Variants in RUVBL1 observed in about 807,000 individuals in gnomAD.
RUVBL1 encodes ruvB-like 1.
RUVBL1 carries 4 observed loss-of-function variants against 52.4 expected under a neutral mutation model. The ratio of observed to expected loss-of-function variants is 0.08; its 90% CI spans 0.04 to 0.17. RUVBL1 has a LOEUF of 0.17. RUVBL1 is among the 10% of genes least tolerant of loss of function. RUVBL1 has a pLI of 1.00. For missense variants in RUVBL1, 298 were observed against 572.8 expected, an observed-to-expected ratio of 0.52 and a Z score of 4.90; for synonymous variants, 217 against 214.4, an observed-to-expected ratio of 1.01 and a Z score of -0.10.
At chr3:128,117,191 A>T (rs531592519) in intron 2 of RUVBL1, among the ~76,000 whole-genome samples, 1 of 152,374 alleles carries the variant, frequency 6.6e-6, no homozygotes, top group East Asian at 1.9e-4. Context: ...ATAGCTTAAG[A>T]GACAATTAGA....
chr3:128,082,371 T>C lies in RUVBL1; in HGVS notation c.1211+112A>G. 1 of 773,828 alleles carries C rather than the reference T, an allele frequency of 1.3e-6. No individual in the cohort carries two copies. Among genetic ancestry groups the C allele is most frequent in the Non-Finnish European group, 2.2e-6 (1 of 449,434 alleles). The allele number at this position is 773,828 out of a possible 1,614,324, so 47.9% of individuals were successfully genotyped here. ...CACCCATCGCGCCAGGAAGAGCGGA[T>C]GGATAGAGTCCCATGCCCTAGGAAG... On this transcript the variant is annotated intron_variant, in intron 10 of 10. Coordinates refer to ENST00000322623, the MANE Select transcript of RUVBL1 (RefSeq NM_003707.3). The surrounding 1 kb of genome is among the most constrained non-coding windows in gnomAD (Gnocchi z 4.7).
At chr3:128,140,959 G>C (rs1015228608) in intron 1 of RUVBL1, among the ~76,000 whole-genome samples, 1 of 152,186 alleles carries the variant, frequency 6.6e-6, no homozygotes, top group Non-Finnish European at 1.5e-5. Flanking sequence ...CTGGCATTAA[G>C]GGACACATGA....
intron 3 of RUVBL1, among the ~76,000 whole-genome samples, chr3:128,109,393 T>C (rs952840490): frequency 4.6e-5 from 7 of 152,132 alleles, no homozygotes; most frequent in African/African-American, 1.4e-4. Flanking sequence ...AAAACAATTT[T>C]TTTTTTGAGA....
chr3:128,112,816 CCACA>C, intron 3 of RUVBL1, 68 bp downstream of exon 3: 1 of 1,548,696 alleles, frequency 6.5e-7, no homozygotes, highest in Non-Finnish European at 8.8e-7. Flanking sequence ...GGCATCTTCA[CCACA>C]AAGAGGCTTC....
At chr3:128,086,986 C>T (rs192203002) in intron 9 of RUVBL1, among the ~76,000 whole-genome samples, 3 of 152,370 alleles carry the variant, frequency 2.0e-5, no homozygotes, top group Admixed American at 2.0e-4. Flanking sequence ...CCAATGAAGC[C>T]TCTTATTATA....
In RUVBL1 at chr3:128,067,211, G is replaced by C; in HGVS notation, c.940-1991C>G. ...AGCTAAGTTGCAGTGGTTTCTATCA[G>C]TGTCTTGCTCATGAACAGATATTTC... is the stretch of plus-strand genomic sequence containing the variant. On this transcript the variant is annotated intron_variant, in intron 9 of 9. Coordinates refer to the RUVBL1 transcript ENST00000464873. This position sits in a 1 kb window ranked among gnomAD's most constrained non-coding sequence, Gnocchi z 4.1. The C allele has an allele frequency of 1.3e-6, 2 of 1,497,792 alleles. No individual in the cohort carries two copies. Among genetic ancestry groups the C allele is most frequent in the Non-Finnish European group, 1.9e-6 (2 of 1,075,042 alleles). 92.8% of individuals were successfully genotyped at this position (1,497,792 alleles called of 1,614,324 possible). A position where few individuals can be genotyped will look rare whatever the true frequency, so the allele number is the denominator to read the frequency against.
At chr3:128,074,861 A>C (rs1267588172) in intron 9 of RUVBL1, among the ~76,000 whole-genome samples, 4 of 151,568 alleles carry the variant, frequency 2.6e-5, no homozygotes, top group African/African-American at 4.8e-5. Context: ...AAAAAAAAAA[A>C]AAAACTTAAA....
chr3:128,135,176 C>G (rs1164415965), intron 1 of RUVBL1, among the ~76,000 whole-genome samples: 1 of 152,186 alleles, frequency 6.6e-6, no homozygotes, highest in Non-Finnish European at 1.5e-5. Context: ...TCCAATATAT[C>G]TGGCAGCAGA....
intron 2 of RUVBL1, among the ~76,000 whole-genome samples, chr3:128,113,549 C>T (rs1353200442): frequency 6.6e-6 from 1 of 152,164 alleles, no homozygotes; most frequent in African/African-American, 2.4e-5. Context: ...GCACATCCTC[C>T]TGTTACTTTA....
rs753561875 is a variant in RUVBL1 at position 128,097,264 on chromosome 3, T to TA, written c.1016+35dup. The TA allele has an allele frequency of 1.1e-5, 18 of 1,594,970 alleles. No individual in the cohort carries two copies. The South Asian group carries it at 1.9e-4, about 17-fold the overall frequency. ...GGAACAAATGAGCCCAGATGGAAGT[T>TA]AAAAAAGCCTTGTGGCTGGCAGGCA... is the stretch of plus-strand genomic sequence containing the variant. On this transcript the variant is annotated intron_variant, in intron 8 of 10. Coordinates refer to ENST00000322623, the MANE Select transcript of RUVBL1 (RefSeq NM_003707.3).
intron 3 of RUVBL1, among the ~76,000 whole-genome samples, chr3:128,107,681 G>A (rs1943278183): frequency 6.6e-6 from 1 of 152,214 alleles, no homozygotes; most frequent in South Asian, 2.1e-4. Context: ...CCCCAAAAGA[G>A]AGGACCCATT....
exon 1 of RUVBL1, chr3:128,153,297 C>G (rs1245447031): frequency 7.4e-7 from 1 of 1,359,718 alleles, no homozygotes; most frequent in Non-Finnish European, 9.4e-7. Flanking sequence ...GAGAGAAACC[C>G]TGCCTACGGT....
rs1327716243 is a variant in RUVBL1 at position 128,097,223 on chromosome 3, T to C, written c.1016+77A>G. 2.9e-6 allele frequency: 4 copies of C among 1,391,756 alleles called. No individual in the cohort carries two copies. The East Asian group carries it at 7.2e-5, about 25-fold the overall frequency. 86.2% of individuals were successfully genotyped at this position (1,391,756 alleles called of 1,614,324 possible). A position where few individuals can be genotyped will look rare whatever the true frequency, so the allele number is the denominator to read the frequency against. On this transcript the variant is annotated intron_variant, in intron 8 of 10. Coordinates refer to ENST00000322623, the MANE Select transcript of RUVBL1 (RefSeq NM_003707.3). ...CTCATCCCTGTCCCACCTCATGGGG[T>C]TTGGAGAGATCCTGAGGAACAAATG...
intron 1 of RUVBL1, among the ~76,000 whole-genome samples, chr3:128,144,629 T>G (rs1306667700): frequency 6.6e-6 from 1 of 152,202 alleles, no homozygotes; most frequent in African/African-American, 2.4e-5. Flanking sequence ...GGCCCAGGGC[T>G]ATCAAAGATA....
intron 9 of RUVBL1, chr3:128,068,844 G>A (rs1942064683): frequency 6.6e-6 from 1 of 152,448 alleles, no homozygotes; most frequent in Non-Finnish European, 1.5e-5. Flanking sequence ...ACAGACAAAT[G>A]AGCATGGCCG....
Position 128,073,817 on chromosome 3 carries a change from T to C in RUVBL1, c.940-8597A>G, listed in dbSNP as rs547283948. Among the ~76,000 whole-genome samples, 4 of 152,286 alleles carry C rather than the reference T, an allele frequency of 2.6e-5. No individual in the cohort carries two copies. In the East Asian group the frequency reaches 7.7e-4, roughly 29 times the overall value. On this transcript the variant is annotated intron_variant, in intron 9 of 9. Coordinates refer to the RUVBL1 transcript ENST00000464873. ...TCCTGTTCATCCTTCAAAGCACAGC[T>C]CAATAAGGCTAGAAACATCTAAATG...
chr3:128,076,901 G>C (rs2107664182), downstream of RUVBL1, among the ~76,000 whole-genome samples: 1 of 152,276 alleles, frequency 6.6e-6, no homozygotes, highest in Non-Finnish European at 1.5e-5. The surrounding 1 kb of genome is among the most constrained non-coding windows in gnomAD (Gnocchi z 6.8). Context: ...CGCCCTCCCC[G>C]CAGCTGCCGG....
intron 1 of RUVBL1, among the ~76,000 whole-genome samples, chr3:128,119,937 A>C (rs931422889): frequency 3.9e-5 from 6 of 152,246 alleles, no homozygotes; most frequent in Non-Finnish European, 5.9e-5. Flanking sequence ...AGGAACTTAC[A>C]GTGTGTGGTA....
rs550397512 is a variant in RUVBL1 at position 128,107,134 on chromosome 3, T to C, written c.362-2210A>G. Among the ~76,000 whole-genome samples, 4 of 152,344 alleles carry C rather than the reference T, an allele frequency of 2.6e-5. No homozygotes were observed. The South Asian group carries it at 8.3e-4, about 32-fold the overall frequency. On this transcript the variant is annotated intron_variant, in intron 3 of 10. Transcript: ENST00000322623. ...CTGATGGCCTAAGTTTACGAAATAC[T>C]GCTCTAAATCTCCGCTGGAGCCTAT...
Sources: gnomAD v4.1 joint callset for allele counts (sites outside exome capture counted in the v4.1 genomes callset) on GRCh38, gnomAD v4.1.1 for gene constraint, Gnocchi (gnomAD v3.1) non-coding constraint, MANE v1.5 for transcripts, NCBI Gene and HGNC (gene_info 2026-07-23, HGNC 2026-07-21) for gene names.